The following CRB1 variants were observed in gnomAD, a reference collection of about 807,000 sequenced individuals.
CRB1 encodes the protein protein crumbs homolog 1.
CRB1 carries 83 observed loss-of-function variants against 120.0 expected under a neutral mutation model. The ratio of observed to expected loss-of-function variants is 0.69; its 90% CI spans 0.58 to 0.83. The LOEUF (loss-of-function observed/expected upper bound fraction) is 0.83, where lower values mean the gene tolerates loss of function less well. Among genes scored for constraint, CRB1 ranks in the 40% least tolerant of loss-of-function variants. The pLI, the probability that CRB1 is intolerant of heterozygous loss-of-function variation, is 0.00. For missense variants in CRB1, 1,699 were observed against 1,687.6 expected (o/e 1.01, Z -0.12); for synonymous variants, 625 against 612.5 (o/e 1.02, Z -0.30).
At position 197,357,479 on chromosome 1, in the gene CRB1, CT is replaced by C. The variant is rs77569447; in HGVS notation, c.1171+475del. Reference sequence around the variant, plus strand: ...TTCCACATATCAAATTTAAATTACTCTTTTTTTTTCACAACTTGCTTACCTA... The same window carrying C: ...TTCCACATATCAAATTTAAATTACTCTTTTTTTTCACAACTTGCTTACCTA... On this transcript the variant is annotated intron_variant, in intron 5 of 11. Transcript: ENST00000367400. 9.4e-4 allele frequency: 178 copies of C among 189,178 alleles called. 1 individual carries two copies. The highest frequency in any genetic ancestry group is 4.7e-3 in the Middle Eastern group (2 of 424). 11.7% of individuals were successfully genotyped at this position (189,178 alleles called of 1,614,324 possible).
intron 1 of CRB1, among the ~76,000 whole-genome samples, chr1:197,318,421 T>C (rs2125285326): frequency 6.6e-6 from 1 of 152,302 alleles, no homozygotes; most frequent in East Asian, 1.9e-4. Flanking sequence ...ACAGCCATTT[T>C]GGAAAATATT....
chr1:197,461,663 A>G lies in CRB1; in HGVS notation c.4006-16001A>G, dbSNP rs542810066. 2.6e-5 allele frequency among the ~76,000 whole-genome samples: 4 copies of G among 152,290 alleles called. No homozygotes were observed. In the South Asian group the frequency reaches 8.3e-4, roughly 32 times the overall value. On this transcript the variant is annotated intron_variant, in intron 11 of 11. Transcript: ENST00000367400. ...GATTTACTCATTCCATTGATCAGAC[A>G]TTGCAATTCACAAGCTCCTATTACA...
chr1:197,310,131 C>T (rs1657427286), intron 1 of CRB1, among the ~76,000 whole-genome samples: 2 of 152,052 alleles, frequency 1.3e-5, no homozygotes, highest in Non-Finnish European at 1.5e-5. Flanking sequence ...ACAGAGTTAC[C>T]CAACAGTGTA....
chr1:197,236,124 A>G, the CRB1 span, among the ~76,000 whole-genome samples: 1 of 151,894 alleles, frequency 6.6e-6, no homozygotes, highest in African/African-American at 2.4e-5. Context: ...TTAATCATAC[A>G]TATTGTGGGG....
intron 9 of CRB1, among the ~76,000 whole-genome samples, chr1:197,437,762 A>G (rs1392607657): frequency 2.0e-5 from 3 of 152,152 alleles, no homozygotes; most frequent in Admixed American, 2.0e-4. Flanking sequence ...AATTCAATTC[A>G]TTTTACACTT....
At chr1:197,265,701 C>T (rs1051676549), upstream of CRB1, among the ~76,000 whole-genome samples, 4 of 152,224 alleles carry the variant, frequency 2.6e-5, no homozygotes, top group South Asian at 2.1e-4. Flanking sequence ...TGATAAAATT[C>T]GTTTTCATGT....
At chr1:197,442,498 G>T in intron 11 of CRB1, 1 of 1,472,938 alleles carries the variant, frequency 6.8e-7, no homozygotes, top group South Asian at 1.4e-5. Flanking sequence ...GATCTCTGGG[G>T]AAGAAAAAGG....
intron 1 of CRB1, among the ~76,000 whole-genome samples, chr1:197,299,582 A>C (rs1009745404): frequency 6.6e-6 from 1 of 152,250 alleles, no homozygotes; most frequent in East Asian, 1.9e-4. Context: ...TTCATACAGC[A>C]AAAAACTTGA....
intron 4 of CRB1, among the ~76,000 whole-genome samples, chr1:197,350,753 G>A (rs1400509903): frequency 6.6e-6 from 1 of 152,140 alleles, no homozygotes; most frequent in Non-Finnish European, 1.5e-5. Flanking sequence ...TTTTAGATAA[G>A]CTAAAGATGA....
At chr1:197,347,746 G>C (rs919867946) in intron 4 of CRB1, among the ~76,000 whole-genome samples, 16 of 152,220 alleles carry the variant, frequency 1.1e-4, no homozygotes, top group African/African-American at 3.6e-4. Context: ...AATTCAGCAT[G>C]ATCTTCATGG....
At chr1:197,365,626 C>CTTCTTTTT (rs1247162027) in intron 5 of CRB1, among the ~76,000 whole-genome samples, 2 of 121,888 alleles carry the variant, frequency 1.6e-5, no homozygotes, top group Non-Finnish European at 3.3e-5. Context: ...TCTTCTTCTT[C>CTTCTTTTT]TTTTTTTTTT....
At chr1:197,242,815 G>C in the CRB1 span, among the ~76,000 whole-genome samples, 2 of 151,950 alleles carry the variant, frequency 1.3e-5, no homozygotes, top group African/African-American at 4.8e-5. Context: ...CGCTTTTTTT[G>C]GTTGGTAGGT....
intron 1 of CRB1, 128 bp from the exon 2 acceptor site, chr1:197,328,294 A>G (rs773556156): frequency 8.4e-6 from 6 of 716,068 alleles, no homozygotes; most frequent in Non-Finnish European, 1.4e-5. Flanking sequence ...TAGTTTTTTC[A>G]TTAGGATGAA....
chr1:197,385,978 C>T (rs965789583), intron 5 of CRB1, among the ~76,000 whole-genome samples: 2 of 151,994 alleles, frequency 1.3e-5, no homozygotes, highest in African/African-American at 2.4e-5. Context: ...TATCCATTTC[C>T]CAGCAAAGTT....
chr1:197,460,677 C>T (rs1205643804), intron 11 of CRB1, among the ~76,000 whole-genome samples: 1 of 152,096 alleles, frequency 6.6e-6, no homozygotes, highest in Non-Finnish European at 1.5e-5. Flanking sequence ...GTTCATTTAA[C>T]CTCAAATCCT....
chr1:197,210,129 G>A, the CRB1 span, among the ~76,000 whole-genome samples: 2 of 152,184 alleles, frequency 1.3e-5, no homozygotes, highest in South Asian at 2.1e-4. Context: ...GAAATTATTA[G>A]TTAATGAAGT....
intron 4 of CRB1, among the ~76,000 whole-genome samples, chr1:197,355,745 G>A (rs569991642): frequency 3.4e-4 from 51 of 152,114 alleles, no homozygotes; most frequent in Admixed American, 1.9e-3. Context: ...GCAAGCGCCC[G>A]TGCAGCCTCG....
At chr1:197,415,051 T>A (rs1663904908) in intron 5 of CRB1, among the ~76,000 whole-genome samples, 1 of 152,194 alleles carries the variant, frequency 6.6e-6, no homozygotes, top group Non-Finnish European at 1.5e-5. Flanking sequence ...TCTGTTTATA[T>A]TTAAAGAAAC....
chr1:197,454,727 C>G (rs1666194524), intron 11 of CRB1, among the ~76,000 whole-genome samples: 1 of 152,080 alleles, frequency 6.6e-6, no homozygotes, highest in Non-Finnish European at 1.5e-5. Flanking sequence ...TGTTAGCTGT[C>G]AAATCAATCT....
Sources: gnomAD v4.1 joint callset for allele counts (sites outside exome capture counted in the v4.1 genomes callset) on GRCh38, gnomAD v4.1.1 for gene constraint, MANE v1.5 for transcripts, NCBI Gene and HGNC (gene_info 2026-07-23, HGNC 2026-07-21) for gene names.